MLLT10: variants seen among roughly 807,000 people sequenced by gnomAD.
MLLT10 encodes MLLT10 histone lysine methyltransferase DOT1L cofactor.
A neutral mutation model predicts 129.1 loss-of-function variants in MLLT10; 30 were observed. That is an observed-to-expected ratio of 0.23 (90% confidence interval 0.17 to 0.32). The LOEUF (loss-of-function observed/expected upper bound fraction) is 0.32. Among genes scored for constraint, MLLT10 ranks in the 10% least tolerant of loss-of-function variants. The pLI, the probability that MLLT10 is intolerant of heterozygous loss-of-function variation, is 1.00. For synonymous variants in MLLT10, 490 were observed against 446.4 expected, an observed-to-expected ratio of 1.10 and a Z score of -1.23; for missense variants, 1,119 against 1,268.3, an observed-to-expected ratio of 0.88 and a Z score of 1.79.
intron 3 of MLLT10, among the ~76,000 whole-genome samples, chr10:21,560,811 T>A (rs1489197527): frequency 6.6e-6 from 1 of 152,222 alleles, no homozygotes; most frequent in Non-Finnish European, 1.5e-5. Flanking sequence ...TCGTTTTGAT[T>A]TGCATTTTCC....
chr10:21,629,338 A>G (rs1005571520), intron 8 of MLLT10, among the ~76,000 whole-genome samples: 2 of 152,064 alleles, frequency 1.3e-5, no homozygotes, highest in African/African-American at 4.8e-5. Flanking sequence ...TTTTTGAGGT[A>G]AGAATAGATA....
chr10:21,555,272 C>T (rs555602546), intron 3 of MLLT10, among the ~76,000 whole-genome samples: 22 of 151,928 alleles, frequency 1.4e-4, no homozygotes, highest in East Asian at 3.9e-4. Context: ...ACCCAGGCTG[C>T]GGTGCAGTGG....
intron 10 of MLLT10, 134 bp downstream of exon 10, chr10:21,670,838 G>A: frequency 1.0e-6 from 1 of 1,002,614 alleles, no homozygotes. Flanking sequence ...AGTTGCTTTA[G>A]TAAGATTACT....
chr10:21,669,972 T>C (rs1220643387), intron 9 of MLLT10, among the ~76,000 whole-genome samples: 1 of 152,182 alleles, frequency 6.6e-6, no homozygotes, highest in Non-Finnish European at 1.5e-5. Flanking sequence ...AAAGTTTTGC[T>C]CTGTCCTCCG....
chr10:21,726,286 C>T lies in MLLT10; in HGVS notation c.1921C>T (p.His641Tyr). The T allele has an allele frequency of 6.2e-7, 1 of 1,613,300 alleles. No individual in the cohort carries two copies. Among genetic ancestry groups the T allele is most frequent in the Non-Finnish European group, 8.5e-7 (1 of 1,179,510 alleles). ...ATCTTCTCTCAGTCAGGCACCATCTCATATGTATGGCAATAGATCAAATTC... is the reference window on the plus strand; with the variant it reads ...ATCTTCTCTCAGTCAGGCACCATCTTATATGTATGGCAATAGATCAAATTC... ...SGSSLSQAPSHMYGNRSNSSM... is the reference protein window; with the variant it reads ...SGSSLSQAPSYMYGNRSNSSM... Residue 641 changes from histidine (H) to tyrosine (Y), a missense_variant, in exon 15 of 23, where the codon CAT becomes TAT. His to Tyr is a moderately conservative substitution (Grantham distance 83). Transcript: ENST00000307729.
At chr10:21,607,608 A>C (rs1174265744) in intron 5 of MLLT10, among the ~76,000 whole-genome samples, 1 of 152,142 alleles carries the variant, frequency 6.6e-6, no homozygotes, top group Non-Finnish European at 1.5e-5. Context: ...GGCGTGAGCC[A>C]CCCCTGGCTA....
chr10:21,684,704 C>T lies in MLLT10; in HGVS notation c.1699+2447C>T, dbSNP rs139364138. On this transcript the variant is annotated intron_variant, in intron 13 of 22. Transcript: ENST00000307729. Reference sequence around the variant, plus strand: ...TGCAAATCAGACCATGTCAAACTGTCTTACTTAGAGAATTTTCTGGGACTT... The same window carrying T: ...TGCAAATCAGACCATGTCAAACTGTTTTACTTAGAGAATTTTCTGGGACTT... Among the ~76,000 whole-genome samples, 18 of 152,324 alleles carry T rather than the reference C, an allele frequency of 1.2e-4. No homozygotes were observed. In the East Asian group the frequency reaches 1.5e-3, roughly 13 times the overall value.
At chr10:21,594,475 C>T (rs2042827186) in intron 4 of MLLT10, among the ~76,000 whole-genome samples, 1 of 150,726 alleles carries the variant, frequency 6.6e-6, no homozygotes. Context: ...ATTGCTTGAA[C>T]CCAGGAGGCG....
At chr10:21,640,234 T>G (rs1430664060) in intron 8 of MLLT10, among the ~76,000 whole-genome samples, 2 of 144,198 alleles carry the variant, frequency 1.4e-5, no homozygotes, top group Non-Finnish European at 3.0e-5. Context: ...TTATATATTA[T>G]GTAATATAAA....
chr10:21,611,089 C>A (rs1389353995), intron 5 of MLLT10, among the ~76,000 whole-genome samples: 1 of 149,346 alleles, frequency 6.7e-6, no homozygotes, highest in Non-Finnish European at 1.5e-5. Flanking sequence ...TTCCACCTCC[C>A]TGGTTCAAGC....
chr10:21,681,394 G>T lies in MLLT10; in HGVS notation c.1666+18G>T. The stretch of plus-strand genomic sequence containing the variant: ...AACAACTAGTAAGTTGTCAAACTGG[G>T]TTGATAACCCGGGCCTTTTGTCTCC... On this transcript the variant is annotated intron_variant, in intron 12 of 22. Coordinates refer to ENST00000307729, the MANE Select transcript of MLLT10 (RefSeq NM_001195626.3). 6.3e-7 allele frequency: 1 copy of T among 1,579,806 alleles called. No individual in the cohort carries two copies. The highest frequency in any genetic ancestry group is 1.1e-5 in the South Asian group (1 of 89,822).
At chr10:21,580,080 T>G (rs2041238777) in intron 3 of MLLT10, among the ~76,000 whole-genome samples, 1 of 149,926 alleles carries the variant, frequency 6.7e-6, no homozygotes, top group Admixed American at 6.6e-5. Flanking sequence ...GAGTGCAGTA[T>G]TGCTATTATA....
chr10:21,596,403 T>C (rs2043021250), intron 5 of MLLT10, among the ~76,000 whole-genome samples: 2 of 152,200 alleles, frequency 1.3e-5, no homozygotes, highest in African/African-American at 2.4e-5. Flanking sequence ...ACTGTAAATT[T>C]AATTAAGCAA....
At chr10:21,685,812 A>G (rs1472937335) in intron 13 of MLLT10, among the ~76,000 whole-genome samples, 1 of 152,254 alleles carries the variant, frequency 6.6e-6, no homozygotes, top group African/African-American at 2.4e-5. Flanking sequence ...CATATTCCCA[A>G]GAATATATAT....
At position 21,740,140 on chromosome 10, in the gene MLLT10, C is replaced by A. The variant is rs748269644; in HGVS notation, c.3066C>A (p.Asn1022Lys). Reference protein sequence around the residue: ...QIPGPTQIPINNLLAGTQAPP... With the variant: ...QIPGPTQIPIKNLLAGTQAPP... ...CTGGACCAACACAAATACCCATAAA[C>A]AACCTTCTTGCAGGTACACAGGCAC... Residue 1022 changes from asparagine (N) to lysine (K), a missense_variant, in exon 22 of 23, where the codon AAC becomes AAA. Coordinates refer to ENST00000307729, the MANE Select transcript of MLLT10 (RefSeq NM_001195626.3). The A allele has an allele frequency of 1.2e-6, 2 of 1,614,202 alleles. No homozygotes were observed. Among genetic ancestry groups the A allele is most frequent in the Non-Finnish European group, 1.7e-6 (2 of 1,180,040 alleles).
chr10:21,727,869 A>G lies in MLLT10; in HGVS notation c.2004A>G (p.Gly668=). The part of the protein sequence containing the change: ...SENNQTDQDL[G]DNSRNLVGRG... ...TTTACACTACAGATCAAGATCTTGG[A>G]GACAATAGCCGCAACCTAGTTGGCA... Residue 668 remains glycine (G), a synonymous_variant, in exon 16 of 23, where the codon GGA becomes GGG. Coordinates refer to ENST00000307729, the MANE Select transcript of MLLT10 (RefSeq NM_001195626.3). 6.2e-7 allele frequency: 1 copy of G among 1,613,976 alleles called. No individual in the cohort carries two copies. The highest frequency in any genetic ancestry group is 8.5e-7 in the Non-Finnish European group (1 of 1,179,888).
chr10:21,715,302 G>T (rs1339666879), intron 14 of MLLT10, among the ~76,000 whole-genome samples: 1 of 152,186 alleles, frequency 6.6e-6, no homozygotes, highest in Non-Finnish European at 1.5e-5. Flanking sequence ...AAAAGCAATG[G>T]CATGATTAGT....
chr10:21,534,948 G>C (rs1483060573), intron 2 of MLLT10, 144 bp downstream of exon 2: 2 of 342,140 alleles, frequency 5.8e-6, no homozygotes, highest in East Asian at 1.7e-4. Flanking sequence ...GGCGCGGGGG[G>C]TGTGGGCCGC....
chr10:21,579,852 C>T (rs1273713962), intron 3 of MLLT10, among the ~76,000 whole-genome samples: 2 of 152,042 alleles, frequency 1.3e-5, no homozygotes, highest in Non-Finnish European at 2.9e-5. Context: ...TGTGAGCCAC[C>T]ATGCCTGGCC....
Sources: gnomAD v4.1 joint callset for allele counts (sites outside exome capture counted in the v4.1 genomes callset) on GRCh38, gnomAD v4.1.1 for gene constraint, MANE v1.5 for transcripts, NCBI Gene and HGNC (gene_info 2026-07-23, HGNC 2026-07-21) for gene names.